The following NXPE1 variants were observed in gnomAD, a reference collection of about 807,000 sequenced individuals.
NXPE1 encodes NXPE family member 1.
Under a neutral mutation model 33.3 loss-of-function variants are expected in NXPE1, and 31 were observed. That is an observed-to-expected ratio of 0.93 (90% confidence interval 0.70 to 1.26). The LOEUF is 1.26. Ranked by LOEUF, NXPE1 falls within the 50% of genes most tolerant of loss-of-function variation. NXPE1 has a pLI of 0.00. For missense variants in NXPE1, 661 were observed against 655.6 expected, an observed-to-expected ratio of 1.01 and a Z score of -0.09; for synonymous variants, 229 against 231.4, an observed-to-expected ratio of 0.99 and a Z score of 0.09.
chr11:114,538,815 AAC>A (rs1947954305), intron 5 of NXPE1, among the ~76,000 whole-genome samples: 2 of 152,004 alleles, frequency 1.3e-5, no homozygotes, highest in South Asian at 4.2e-4. Flanking sequence ...GAGAAATAGG[AAC>A]ACTTTTACAT....
chr11:114,528,169 T>G (rs578196543), intron 6 of NXPE1, among the ~76,000 whole-genome samples: 1 of 152,258 alleles, frequency 6.6e-6, no homozygotes, highest in Admixed American at 6.5e-5. Context: ...TTCAAAATAT[T>G]TATCTAATTT....
intron 5 of NXPE1, among the ~76,000 whole-genome samples, chr11:114,533,732 T>G (rs1185651818): frequency 1.3e-5 from 2 of 152,088 alleles, no homozygotes; most frequent in Admixed American, 6.5e-5. Context: ...GCAGCAAGAC[T>G]AGGGGAGGGG....
chr11:114,554,003 A>G (rs1475479341), intron 1 of NXPE1: 1 of 985,362 alleles, frequency 1.0e-6, no homozygotes, highest in Middle Eastern at 5.2e-4. Context: ...TCCAATTGCA[A>G]TGTTTTTTCT....
At chr11:114,554,023 T>C in intron 1 of NXPE1, 1 of 985,476 alleles carries the variant, frequency 1.0e-6, no homozygotes. Flanking sequence ...TTCTTCCAAA[T>C]GTCTTCTACT....
intron 5 of NXPE1, among the ~76,000 whole-genome samples, chr11:114,536,313 G>T (rs906033156): frequency 4.9e-4 from 75 of 152,268 alleles, no homozygotes; most frequent in Non-Finnish European, 9.4e-4. Flanking sequence ...AGCACTAAAT[G>T]CCCACAAGAG....
intron 1 of NXPE1, among the ~76,000 whole-genome samples, chr11:114,556,717 A>G (rs928393656): frequency 4.6e-5 from 7 of 151,930 alleles, no homozygotes; most frequent in Non-Finnish European, 1.0e-4. Context: ...CCAGAGTTTA[A>G]TACTGTTCTA....
chr11:114,539,758 G>C (rs1173991073), intron 5 of NXPE1, among the ~76,000 whole-genome samples: 1 of 152,016 alleles, frequency 6.6e-6, no homozygotes, highest in Non-Finnish European at 1.5e-5. Context: ...ATTGTAAAGT[G>C]CAATATCAGT....
exon 9 of NXPE1, chr11:114,522,065 G>C: frequency 6.2e-7 from 1 of 1,613,728 alleles, no homozygotes; most frequent in Non-Finnish European, 8.5e-7. Flanking sequence ...CATGTCCCAG[G>C]CATCAATGAT....
intron 5 of NXPE1, among the ~76,000 whole-genome samples, chr11:114,547,175 C>G (rs920717311): frequency 1.5e-4 from 23 of 152,070 alleles, no homozygotes; most frequent in Middle Eastern, 3.2e-3. Context: ...GTGGAGAAAC[C>G]TGATGAACAT....
intron 1 of NXPE1, among the ~76,000 whole-genome samples, chr11:114,558,856 C>G (rs1948715759): frequency 6.6e-6 from 1 of 152,036 alleles, no homozygotes; most frequent in South Asian, 2.1e-4. Context: ...TCAGTCAGGT[C>G]CATAAAGAAT....
chr11:114,523,499 A>C (rs1947278617), intron 7 of NXPE1, among the ~76,000 whole-genome samples: 1 of 152,196 alleles, frequency 6.6e-6, no homozygotes, highest in African/African-American at 2.4e-5. Context: ...GGAATGAATA[A>C]TCTTAATTTT....
chr11:114,537,410 AG>A (rs1234998503), intron 5 of NXPE1, among the ~76,000 whole-genome samples: 6 of 152,184 alleles, frequency 3.9e-5, no homozygotes, highest in Non-Finnish European at 2.9e-5. Flanking sequence ...TATTCAACAT[AG>A]GGTTGGAAGT....
chr11:114,536,005 A>G (rs943330065), intron 5 of NXPE1, among the ~76,000 whole-genome samples: 1 of 152,214 alleles, frequency 6.6e-6, no homozygotes, highest in Non-Finnish European at 1.5e-5. Context: ...CACCAAACCT[A>G]TTCCAAAATT....
At chr11:114,530,700 G>T (rs897144080) in exon 6 of NXPE1, 13 of 1,614,200 alleles carry the variant, frequency 8.1e-6, no homozygotes, top group South Asian at 1.1e-5. Flanking sequence ...GAGGATGGTG[G>T]CTGTGCTGTG....
chr11:114,528,148 G>A (rs879829379), intron 6 of NXPE1, among the ~76,000 whole-genome samples: 2 of 152,170 alleles, frequency 1.3e-5, no homozygotes, highest in East Asian at 1.9e-4. Context: ...AGTGTGTCCT[G>A]GAATTTTAGA....
exon 6 of NXPE1, chr11:114,530,679 T>A: frequency 6.2e-7 from 1 of 1,614,180 alleles, no homozygotes; most frequent in Non-Finnish European, 8.5e-7. Flanking sequence ...GCAGTATGTA[T>A]CTCGAGGGTT....
At chr11:114,553,564 A>T in intron 1 of NXPE1, 1 of 250,362 alleles carries the variant, frequency 4.0e-6, no homozygotes. Context: ...TTATTTTTGC[A>T]TCTATTTTCT....
At chr11:114,533,333 G>C (rs1163377190) in intron 5 of NXPE1, among the ~76,000 whole-genome samples, 1 of 152,150 alleles carries the variant, frequency 6.6e-6, no homozygotes, top group East Asian at 1.9e-4. Flanking sequence ...AATAAGAACA[G>C]CTCCAGTCTA....
exon 6 of NXPE1, chr11:114,530,745 G>A (rs1006856498): frequency 6.2e-7 from 1 of 1,614,232 alleles, no homozygotes; most frequent in Non-Finnish European, 8.5e-7. Context: ...ATGGGTGAAA[G>A]GTCTGGGTGG....
Sources: gnomAD v4.1 joint callset for allele counts (sites outside exome capture counted in the v4.1 genomes callset) on GRCh38, gnomAD v4.1.1 for gene constraint, MANE v1.5 for transcripts, NCBI Gene and HGNC (gene_info 2026-07-23, HGNC 2026-07-21) for gene names.